DYNC2H1: variants seen among roughly 807,000 people sequenced by gnomAD.
DYNC2H1 encodes the protein cytoplasmic dynein 2 heavy chain 1.
Under a neutral mutation model 570.0 loss-of-function variants are expected in DYNC2H1, and 410 were observed. That is an observed-to-expected ratio of 0.72 (90% CI 0.66 to 0.78). DYNC2H1 has a LOEUF of 0.78. Ranked by LOEUF, DYNC2H1 falls within the 30% of genes least tolerant of loss-of-function variation. The pLI, the probability that DYNC2H1 is intolerant of heterozygous loss-of-function variation, is 0.00. For missense variants in DYNC2H1, 4,865 were observed against 5,046.4 expected (o/e 0.96, Z 1.09); for synonymous variants, 1,688 against 1,677.6 (o/e 1.01, Z -0.15).
At chr11:103,330,176 G>A (rs746048924) in intron 82 of DYNC2H1, among the ~76,000 whole-genome samples, 8 of 152,178 alleles carry the variant, frequency 5.3e-5, no homozygotes, top group East Asian at 3.9e-4. Context: ...CCACTGCCAC[G>A]TAAGTGGTAA....
At chr11:103,399,622 T>C in intron 83 of DYNC2H1, 41 bp from the exon 84 acceptor site, 1 of 1,402,438 alleles carries the variant, frequency 7.1e-7, no homozygotes, top group South Asian at 1.3e-5. Context: ...ATCAGTGATC[T>C]GTGTTACTAT....
chr11:103,120,232 TTAA>T (rs1446117958), intron 6 of DYNC2H1, among the ~76,000 whole-genome samples: 3 of 152,188 alleles, frequency 2.0e-5, no homozygotes, highest in Non-Finnish European at 2.9e-5. Context: ...AGCACACTTA[TTAA>T]TGTTAGTGTG....
chr11:103,316,412 G>T (rs941865103), intron 79 of DYNC2H1, 133 bp from the exon 80 acceptor site: 5 of 576,260 alleles, frequency 8.7e-6, no homozygotes, highest in Non-Finnish European at 8.7e-6. Context: ...TTATGTGTTG[G>T]TTTTATTAAA....
intron 65 of DYNC2H1, among the ~76,000 whole-genome samples, chr11:103,246,599 A>G (rs995206033): frequency 1.3e-5 from 2 of 152,070 alleles, no homozygotes; most frequent in African/African-American, 2.4e-5. Context: ...AGAGTTAACC[A>G]TTGCCCCTAT....
chr11:103,138,878 C>T (rs1591301158), intron 17 of DYNC2H1, among the ~76,000 whole-genome samples: 1 of 151,596 alleles, frequency 6.6e-6, no homozygotes, highest in South Asian at 2.1e-4. Context: ...TTGATTATTG[C>T]CACAATTTCA....
At chr11:103,250,605 G>A (rs1864793982) in intron 65 of DYNC2H1, among the ~76,000 whole-genome samples, 1 of 152,056 alleles carries the variant, frequency 6.6e-6, no homozygotes, top group African/African-American at 2.4e-5. Context: ...TAAAATTGAT[G>A]TTGCTCTTTG....
chr11:103,191,212 A>C (rs997524663), intron 45 of DYNC2H1, among the ~76,000 whole-genome samples: 6 of 151,060 alleles, frequency 4.0e-5, no homozygotes, highest in African/African-American at 1.5e-4. Flanking sequence ...GCCAATTTTT[A>C]TATTTTTTTT....
At position 103,147,888 on chromosome 11, in the gene DYNC2H1, G is replaced by T; in HGVS notation, c.2818+1G>T. On this transcript the variant is annotated splice_donor_variant, in intron 19 of 88. Transcript: ENST00000375735. LOFTEE classifies it high-confidence loss of function. ...CTTTCTTTGAAGAAGTCCATACAGG[G>T]TAAATACACATTTTAATTTTTATTT... is the stretch of plus-strand genomic sequence containing the variant. 1 of 1,569,640 alleles carries T rather than the reference G, an allele frequency of 6.4e-7. No homozygotes were observed. Among genetic ancestry groups the T allele is most frequent in the East Asian group, 2.3e-5 (1 of 44,352 alleles).
In DYNC2H1 at chr11:103,234,056, G is replaced by A. The variant is rs375920909; in HGVS notation, c.9463G>A (p.Ala3155Thr). 21 of 1,558,572 alleles carry A rather than the reference G, an allele frequency of 1.3e-5. No individual in the cohort carries two copies. In the East Asian group the frequency reaches 3.8e-4, roughly 28 times the overall value. ...TAGATTTCAGAGCAGGACTTCAGAA[G>A]CTGCCAAACTTGAGGCTGAAGTAAG... ...KEKFQSRTSEAAKLEAEVSKA... is the reference protein window; with the variant it reads ...KEKFQSRTSETAKLEAEVSKA... Residue 3155 changes from alanine to threonine, a missense_variant, in exon 61 of 89, where the codon GCT (alanine) becomes ACT (threonine). Ala to Thr is a moderately conservative substitution (Grantham distance 58). This residue lies in a region of DYNC2H1 where 2,401 missense variants were observed against 2,454.6 expected (regional missense o/e 0.98). Coordinates refer to ENST00000375735, the MANE Select transcript of DYNC2H1 (RefSeq NM_001377.3).
At position 103,372,068 on chromosome 11, in the gene DYNC2H1, TCTCA is replaced by T. The variant is rs1169098116; in HGVS notation, c.12156+13713_12156+13716del. On this transcript the variant is annotated intron_variant, in intron 83 of 88. Coordinates refer to ENST00000375735, the MANE Select transcript of DYNC2H1 (RefSeq NM_001377.3). The stretch of plus-strand genomic sequence containing the variant: ...TTTTTTTTTTTTTTTTGAGGCAGGG[TCTCA>T]CTCTGTCACCCAGGCTGGAGTGCAG... Among the ~76,000 whole-genome samples the T allele has an allele frequency of 4.6e-5, 5 of 109,754 alleles. No homozygotes were observed. The Admixed American group carries it at 5.6e-4, about 12-fold the overall frequency. 72.0% of individuals were successfully genotyped at this position (109,754 alleles called of 152,430 possible).
At position 103,220,632 on chromosome 11, in the gene DYNC2H1, A is replaced by G. The variant is rs1863550007; in HGVS notation, c.8956A>G (p.Asn2986Asp). 3 of 1,605,486 alleles carry G rather than the reference A, an allele frequency of 1.9e-6. No homozygotes were observed. Among genetic ancestry groups the G allele is most frequent in the South Asian group, 1.1e-5 (1 of 88,192 alleles). ...DELKEVQPLVNEAKLAVGNIK... is the reference protein window; with the variant it reads ...DELKEVQPLVDEAKLAVGNIK... ...CCTTTTTCTCTTTTAGCCTTTAGTC[A>G]ATGAAGCTAAACTAGCAGTTGGAAA... is the stretch of plus-strand genomic sequence containing the variant. Residue 2986 changes from asparagine to aspartate, a missense_variant, in exon 57 of 89, where the codon AAT (asparagine) becomes GAT (aspartate). Coordinates refer to ENST00000375735, the MANE Select transcript of DYNC2H1 (RefSeq NM_001377.3).
chr11:103,312,563 AAAACC>A (rs1335385355), intron 79 of DYNC2H1, among the ~76,000 whole-genome samples: 7 of 102,298 alleles, frequency 6.8e-5, no homozygotes, highest in Admixed American at 1.2e-4. Context: ...AAAAAAAAAA[AAAACC>A]AATTGTAATG....
At chr11:103,361,186 A>T (rs982302647) in intron 83 of DYNC2H1, among the ~76,000 whole-genome samples, 4 of 152,202 alleles carry the variant, frequency 2.6e-5, no homozygotes, top group Admixed American at 2.6e-4. Context: ...TCTCAAAGTG[A>T]TGGTATTTGT....
chr11:103,136,752 G>T (rs1259715486), intron 17 of DYNC2H1, among the ~76,000 whole-genome samples: 1 of 152,088 alleles, frequency 6.6e-6, no homozygotes, highest in African/African-American at 2.4e-5. Flanking sequence ...GTAATGGGAT[G>T]GCTGGGTCAA....
chr11:103,190,810 G>A (rs997578510), intron 45 of DYNC2H1, among the ~76,000 whole-genome samples: 4 of 151,984 alleles, frequency 2.6e-5, no homozygotes, highest in African/African-American at 9.7e-5. Context: ...GATTTGTTCA[G>A]TGACTTCTTG....
At chr11:103,316,788 A>G (rs1937870828) in intron 80 of DYNC2H1, among the ~76,000 whole-genome samples, 168 bp downstream of exon 80, 1 of 151,996 alleles carries the variant, frequency 6.6e-6, no homozygotes, top group South Asian at 2.1e-4. Context: ...CAGAGTTCTT[A>G]TATGGATCTG....
intron 83 of DYNC2H1, among the ~76,000 whole-genome samples, chr11:103,392,118 C>A (rs1430830558): frequency 1.3e-5 from 2 of 152,222 alleles, no homozygotes; most frequent in Non-Finnish European, 2.9e-5. Flanking sequence ...CAGAGGCAGG[C>A]AGCCCTCCTT....
intron 34 of DYNC2H1, 70 bp from the exon 35 acceptor site, chr11:103,173,012 G>T: frequency 1.3e-6 from 1 of 785,286 alleles, no homozygotes; most frequent in Non-Finnish European, 1.7e-6. Context: ...AAATATAAAC[G>T]ATGCCTATAT....
At chr11:103,126,493 G>A (rs1016213328) in intron 12 of DYNC2H1, among the ~76,000 whole-genome samples, 5 of 152,214 alleles carry the variant, frequency 3.3e-5, no homozygotes, top group African/African-American at 7.2e-5. Context: ...AGATGCTTTC[G>A]TTATGTTATT....
Sources: allele counts gnomAD v4.1 joint callset (sites outside exome capture counted in the v4.1 genomes callset), GRCh38; gene constraint gnomAD v4.1.1; regional missense constraint gnomAD v4.1.1; transcripts MANE v1.5; gene names NCBI Gene and HGNC (gene_info 2026-07-23, HGNC 2026-07-21).